Variants in PLS1 observed in about 807,000 individuals in gnomAD.
The protein encoded by PLS1 is plastin-1.
A neutral mutation model predicts 73.7 loss-of-function variants in PLS1; 32 were observed. The ratio of observed to expected loss-of-function variants is 0.43; its 90% CI spans 0.33 to 0.58. PLS1 has a LOEUF of 0.58. Ranked by LOEUF, PLS1 falls within the 20% of genes least tolerant of loss-of-function variation. The probability of loss-of-function intolerance (pLI) is 0.04; values close to 1 mark genes in which losing one functional copy is unlikely to be tolerated. For synonymous variants in PLS1, 217 were observed against 261.3 expected, an observed-to-expected ratio of 0.83 and a Z score of 1.63; for missense variants, 633 against 740.5, an observed-to-expected ratio of 0.85 and a Z score of 1.68.
intron 1 of PLS1, among the ~76,000 whole-genome samples, chr3:142,654,130 T>C (rs1476461649): frequency 2.6e-5 from 4 of 152,140 alleles, no homozygotes; most frequent in Non-Finnish European, 5.9e-5. Context: ...ATAATGACCG[T>C]GGCTGGTCAT....
At chr3:142,609,399 G>A (rs954891556) in intron 1 of PLS1, among the ~76,000 whole-genome samples, 8 of 151,430 alleles carry the variant, frequency 5.3e-5, no homozygotes, top group Admixed American at 5.2e-4. Flanking sequence ...GCTTTCAAGT[G>A]GTCCCACCAG....
chr3:142,629,874 C>T (rs1045537815), intron 1 of PLS1, among the ~76,000 whole-genome samples: 5 of 152,170 alleles, frequency 3.3e-5, no homozygotes, highest in Non-Finnish European at 1.5e-5. Flanking sequence ...GGCCTCAACA[C>T]ACTAGATGCC....
intron 11 of PLS1, among the ~76,000 whole-genome samples, chr3:142,695,663 G>A (rs749865429): frequency 2.0e-5 from 3 of 152,066 alleles, no homozygotes; most frequent in Admixed American, 6.6e-5. Context: ...TTGAGTGTGT[G>A]GATATTTGTA....
At chr3:142,679,563 T>C (rs998771739) in intron 6 of PLS1, among the ~76,000 whole-genome samples, 28 of 152,352 alleles carry the variant, frequency 1.8e-4, no homozygotes, top group Middle Eastern at 3.4e-3. Flanking sequence ...TTCTCCAGTT[T>C]GTCAAAGATC....
chr3:142,666,090 T>C (rs1164933466), intron 2 of PLS1, among the ~76,000 whole-genome samples: 2 of 152,202 alleles, frequency 1.3e-5, no homozygotes. Context: ...TCCAATGTTA[T>C]TAGATGGAGT....
At chr3:142,665,563 G>A (rs1012118411) in intron 2 of PLS1, among the ~76,000 whole-genome samples, 2 of 152,142 alleles carry the variant, frequency 1.3e-5, no homozygotes, top group African/African-American at 4.8e-5. Flanking sequence ...CTCATTCTGA[G>A]CATTGAAACA....
chr3:142,649,994 ATTGT>A (rs1296380177), intron 1 of PLS1, among the ~76,000 whole-genome samples: 31 of 152,036 alleles, frequency 2.0e-4, no homozygotes, highest in South Asian at 2.1e-4. Flanking sequence ...CTTCATGTAG[ATTGT>A]TTGTTTTTGT....
intron 14 of PLS1, among the ~76,000 whole-genome samples, chr3:142,707,407 C>G (rs1351360309): frequency 1.3e-5 from 2 of 152,180 alleles, no homozygotes; most frequent in Admixed American, 1.3e-4. Context: ...AAATAATAAT[C>G]ATAATTACCA....
At chr3:142,614,929 T>C (rs2036188237) in intron 1 of PLS1, among the ~76,000 whole-genome samples, 1 of 152,084 alleles carries the variant, frequency 6.6e-6, no homozygotes, top group African/African-American at 2.4e-5. Context: ...TGGGTGGGGC[T>C]GGGCAGTGGT....
At position 142,607,878 on chromosome 3, in the gene PLS1, AT is replaced by A. The variant is rs60056145; in HGVS notation, c.-37+11382del. ...TGCCTCTATGTTGGAATTTGTCTGA[AT>A]TTTTTTTTTTTTATCATTAGCCTGT... On this transcript the variant is annotated intron_variant, in intron 1 of 15. Coordinates refer to ENST00000457734, the MANE Select transcript of PLS1 (RefSeq NM_001145319.2). Among the ~76,000 whole-genome samples, 247 of 145,292 alleles carry A rather than the reference AT, an allele frequency of 1.7e-3. 1 individual carries two copies. Among genetic ancestry groups the A allele is most frequent in the East Asian group, 1.8e-3 (9 of 5,002 alleles).
At chr3:142,640,556 G>A (rs189598113) in intron 1 of PLS1, among the ~76,000 whole-genome samples, 49 of 152,250 alleles carry the variant, frequency 3.2e-4, no homozygotes, top group Non-Finnish European at 5.9e-4. Context: ...AAGAGAAATG[G>A]TATTTCATTG....
At chr3:142,704,904 C>A (rs1024868716) in intron 14 of PLS1, among the ~76,000 whole-genome samples, 3 of 151,184 alleles carry the variant, frequency 2.0e-5, no homozygotes, top group African/African-American at 7.3e-5. Flanking sequence ...GTGATCCGCC[C>A]GCCTCAGCCT....
chr3:142,701,788 A>G (rs1385711588), intron 12 of PLS1, among the ~76,000 whole-genome samples: 3 of 152,140 alleles, frequency 2.0e-5, no homozygotes, highest in Non-Finnish European at 4.4e-5. Flanking sequence ...CTTCATTGAA[A>G]CACATTTTAC....
intron 2 of PLS1, among the ~76,000 whole-genome samples, chr3:142,665,741 T>G (rs559108335): frequency 6.6e-6 from 1 of 152,314 alleles, no homozygotes; most frequent in Non-Finnish European, 1.5e-5. Context: ...ATGAACATAT[T>G]AATATAATCT....
intron 9 of PLS1, among the ~76,000 whole-genome samples, chr3:142,687,955 T>G (rs569627133): frequency 5.6e-4 from 85 of 151,640 alleles, no homozygotes; most frequent in Middle Eastern, 3.4e-3. Flanking sequence ...TTGTTTGTTT[T>G]TTTTTTTTTT....
At chr3:142,632,156 G>A (rs1043400485) in intron 1 of PLS1, among the ~76,000 whole-genome samples, 13 of 151,970 alleles carry the variant, frequency 8.6e-5, no homozygotes, top group South Asian at 6.2e-4. Context: ...ACAGTGGTTC[G>A]ACTTACAATT....
intron 1 of PLS1, among the ~76,000 whole-genome samples, chr3:142,651,078 A>G (rs2037077514): frequency 6.6e-6 from 1 of 152,156 alleles, no homozygotes; most frequent in Admixed American, 6.6e-5. Context: ...AAATTTAGAG[A>G]GCAAATGTTT....
Position 142,706,510 on chromosome 3 carries a change from T to C in PLS1, c.1629+1924T>C, listed in dbSNP as rs147804295. ...TTCCTAAGGGATGTTGCGCAAGACA[T>C]AAATTGGGTCAAGATTGTAGAGGAT... is the stretch of plus-strand genomic sequence containing the variant. On this transcript the variant is annotated intron_variant, in intron 14 of 15. Coordinates refer to ENST00000457734, the MANE Select transcript of PLS1 (RefSeq NM_001145319.2). Among the ~76,000 whole-genome samples, 1,431 of 152,198 alleles carry C rather than the reference T, an allele frequency of 9.4e-3. 30 individuals carry two copies. The highest frequency in any genetic ancestry group is 0.033 in the African/African-American group (1,368 of 41,526).
intron 12 of PLS1, among the ~76,000 whole-genome samples, chr3:142,700,949 G>A (rs2038319286): frequency 6.6e-6 from 1 of 152,144 alleles, no homozygotes; most frequent in Non-Finnish European, 1.5e-5. Flanking sequence ...TTCTCTTGCT[G>A]CCACCATGTA....
Sources: allele counts gnomAD v4.1 joint callset (sites outside exome capture counted in the v4.1 genomes callset), GRCh38; gene constraint gnomAD v4.1.1; transcripts MANE v1.5; gene names NCBI Gene and HGNC (gene_info 2026-07-23, HGNC 2026-07-21).